The following MGAT4C variants were observed in gnomAD, a reference collection of about 807,000 sequenced individuals.
MGAT4C encodes MGAT4 family member C.
A neutral mutation model predicts 40.1 loss-of-function variants in MGAT4C; 19 were observed. The ratio of observed to expected loss-of-function variants is 0.47; its 90% CI spans 0.33 to 0.70. The LOEUF is 0.70. Among genes scored for constraint, MGAT4C ranks in the 30% least tolerant of loss-of-function variants. MGAT4C has a pLI of 0.02. For missense variants in MGAT4C, 491 were observed against 563.2 expected, an observed-to-expected ratio of 0.87 and a Z score of 1.30; for synonymous variants, 181 against 187.1, an observed-to-expected ratio of 0.97 and a Z score of 0.27.
At chr12:86,737,939 T>C (rs193243147) in intron 1 of MGAT4C, among the ~76,000 whole-genome samples, 8 of 151,690 alleles carry the variant, frequency 5.3e-5, no homozygotes, top group Admixed American at 1.3e-4. Context: ...TTTTACTTTT[T>C]AGTCTATTTT....
intron 1 of MGAT4C, among the ~76,000 whole-genome samples, chr12:86,097,724 A>C (rs1874203474): frequency 2.0e-5 from 3 of 151,626 alleles, no homozygotes; most frequent in Non-Finnish European, 3.0e-5. Context: ...TTCATTTATA[A>C]TTAGCCTATT....
At chr12:86,367,857 CTT>C (rs1191702863) in intron 3 of MGAT4C, among the ~76,000 whole-genome samples, 1 of 152,078 alleles carries the variant, frequency 6.6e-6, no homozygotes, top group Non-Finnish European at 1.5e-5. Flanking sequence ...AAAAACAACT[CTT>C]AAACTCTTAG....
intron 2 of MGAT4C, among the ~76,000 whole-genome samples, chr12:86,474,810 T>C (rs1957808803): frequency 6.6e-6 from 1 of 152,142 alleles, no homozygotes; most frequent in South Asian, 2.1e-4. Flanking sequence ...CTCTTTTTAT[T>C]TTTGCAAGAT....
rs529828284 is a variant in MGAT4C at position 86,021,289 on chromosome 12, G to A, written c.-7+28385C>T. Among the ~76,000 whole-genome samples, 1,223 of 152,074 alleles carry A rather than the reference G, an allele frequency of 8.0e-3. 8 individuals carry two copies. The highest frequency in any genetic ancestry group is 0.011 in the Non-Finnish European group (754 of 67,988). ...TGCTGCTATAAAGACACATGCACAC[G>A]TATGTTTATTGCGGCACTATTCACA... is the stretch of plus-strand genomic sequence containing the variant. On this transcript the variant is annotated intron_variant, in intron 2 of 4. Transcript: ENST00000611864.
intron 3 of MGAT4C, among the ~76,000 whole-genome samples, chr12:86,350,836 A>G (rs1955140965): frequency 6.6e-6 from 1 of 152,140 alleles, no homozygotes; most frequent in South Asian, 2.1e-4. Context: ...TGGAACTCAC[A>G]TAATTATGCA....
rs994263381 is a variant in MGAT4C, at chr12:85,955,685, A to G, written c.*23604T>C. The G allele has an allele frequency of 3.4e-4, 52 of 152,176 alleles. No individual in the cohort carries two copies. The highest frequency in any genetic ancestry group is 5.3e-4 in the Non-Finnish European group (36 of 68,012). The allele number at this position is 152,176 out of a possible 1,614,324, so 9.4% of individuals were successfully genotyped here. A position where few individuals can be genotyped will look rare whatever the true frequency, so the allele number is the denominator to read the frequency against. On this transcript the variant is annotated 3_prime_UTR_variant, in exon 5 of 5. Coordinates refer to ENST00000611864, the MANE Select transcript of MGAT4C (RefSeq NM_001351288.2). ...GCAAATATTTATAAAAGAAACCACA[A>G]TGTATTTATGCTGTTTAGCCTTCAT...
intron 2 of MGAT4C, among the ~76,000 whole-genome samples, chr12:86,683,434 G>A (rs552663004): frequency 6.6e-6 from 1 of 152,148 alleles, no homozygotes; most frequent in South Asian, 2.1e-4. Flanking sequence ...GGTTTGCTTA[G>A]TTTAAATTTT....
At chr12:86,278,441 A>T (rs1208023374) in intron 4 of MGAT4C, among the ~76,000 whole-genome samples, 1 of 151,950 alleles carries the variant, frequency 6.6e-6, no homozygotes, top group Non-Finnish European at 1.5e-5. Context: ...GGCCTCCCAA[A>T]GTGCTGGGAT....
intron 2 of MGAT4C, among the ~76,000 whole-genome samples, chr12:86,718,752 G>T (rs992178963): frequency 3.9e-5 from 6 of 152,204 alleles, no homozygotes; most frequent in Middle Eastern, 3.4e-3. Context: ...GAACCCTATT[G>T]TGAACTGTGC....
chr12:86,729,169 G>A (rs1431578822), intron 1 of MGAT4C, among the ~76,000 whole-genome samples: 1 of 152,118 alleles, frequency 6.6e-6, no homozygotes, highest in Non-Finnish European at 1.5e-5. Context: ...GGTAAGTATA[G>A]TCAAAAATCA....
intron 1 of MGAT4C, among the ~76,000 whole-genome samples, chr12:86,069,670 G>C (rs976499446): frequency 1.8e-4 from 28 of 151,974 alleles, no homozygotes; most frequent in Middle Eastern, 3.2e-3. Context: ...CAATATATTA[G>C]GTAACTGTGC....
chr12:86,258,189 A>T (rs932668569), upstream of MGAT4C, among the ~76,000 whole-genome samples: 7 of 151,712 alleles, frequency 4.6e-5, no homozygotes, highest in African/African-American at 1.5e-4. Flanking sequence ...TTGATTTATA[A>T]CACTGACTCA....
intron 4 of MGAT4C, among the ~76,000 whole-genome samples, chr12:86,324,806 T>G (rs1160632699): frequency 6.6e-6 from 1 of 152,104 alleles, no homozygotes; most frequent in African/African-American, 2.4e-5. Flanking sequence ...TTATTTGGTT[T>G]GTATGACTCT....
chr12:86,725,355 G>A (rs1190593042), intron 2 of MGAT4C, among the ~76,000 whole-genome samples: 1 of 152,096 alleles, frequency 6.6e-6, no homozygotes, highest in African/African-American at 2.4e-5. Context: ...AACAACTTGG[G>A]TGAAAGTGAC....
Position 85,979,526 on chromosome 12 carries a change from A to C in MGAT4C, c.1200T>G (p.Asp400Glu), listed in dbSNP as rs1183325837. 1 of 1,612,234 alleles carries C rather than the reference A, an allele frequency of 6.2e-7. No homozygotes were observed. The highest frequency in any genetic ancestry group is 1.7e-5 in the Admixed American group (1 of 59,898). Residue 400 changes from aspartate to glutamate, a missense_variant, in exon 5 of 5, where the codon GAT (aspartate) becomes GAG (glutamate). By Grantham distance (45) the Asp-to-Glu change is conservative. Coordinates refer to ENST00000611864, the MANE Select transcript of MGAT4C (RefSeq NM_001351288.2). ...KKIKVNTGTEDRQNDILHHGA... is the reference protein window; with the variant it reads ...KKIKVNTGTEERQNDILHHGA... ...CATGATGCAAAATATCATTTTGCCGATCTTCTGTTCCAGTATTTACTTTAA... is the reference window on the plus strand; with the variant it reads ...CATGATGCAAAATATCATTTTGCCGCTCTTCTGTTCCAGTATTTACTTTAA...
At chr12:86,547,784 C>T (rs753880237) in intron 2 of MGAT4C, among the ~76,000 whole-genome samples, 2 of 152,040 alleles carry the variant, frequency 1.3e-5, no homozygotes, top group Non-Finnish European at 2.9e-5. Context: ...TTAGGCAAAC[C>T]AACCACAAAA....
At chr12:86,596,748 A>G (rs1297705055) in intron 2 of MGAT4C, among the ~76,000 whole-genome samples, 2 of 152,142 alleles carry the variant, frequency 1.3e-5, no homozygotes, top group African/African-American at 2.4e-5. Context: ...ACCTGGTAAT[A>G]ATATGGAATG....
rs1026367433 is a variant in MGAT4C, at chr12:85,974,506, T to G, written c.*4783A>C. ...CACATATTCACATAATATTCAAGTA[T>G]GTATACATATATACACATATGTACA... On this transcript the variant is annotated 3_prime_UTR_variant, in exon 5 of 5. Transcript: ENST00000611864. The G allele has an allele frequency of 2.0e-5, 3 of 150,746 alleles. No homozygotes were observed. Among genetic ancestry groups the G allele is most frequent in the African/African-American group, 7.3e-5 (3 of 41,270 alleles). 9.3% of individuals were successfully genotyped at this position (150,746 alleles called of 1,614,324 possible).
At chr12:86,145,745 A>T (rs772927851) in intron 1 of MGAT4C, among the ~76,000 whole-genome samples, 6 of 152,180 alleles carry the variant, frequency 3.9e-5, no homozygotes, top group Admixed American at 6.5e-5. Flanking sequence ...GAAAATACTG[A>T]TGTAAAAAAG....
Sources: gnomAD v4.1 joint callset for allele counts (sites outside exome capture counted in the v4.1 genomes callset) on GRCh38, gnomAD v4.1.1 for gene constraint, MANE v1.5 for transcripts, NCBI Gene and HGNC (gene_info 2026-07-23, HGNC 2026-07-21) for gene names.